ANK3: variants seen among roughly 807,000 people sequenced by gnomAD.
The protein encoded by ANK3 is ankyrin-3.
A neutral mutation model predicts 370.9 loss-of-function variants in ANK3; 57 were observed. The observed-to-expected ratio is 0.15, with a 90% CI of 0.12 to 0.19. The LOEUF (loss-of-function observed/expected upper bound fraction) is 0.19, where lower values mean the gene tolerates loss of function less well. Ranked by LOEUF, ANK3 falls within the 10% of genes least tolerant of loss-of-function variation. The pLI, the probability that ANK3 is intolerant of heterozygous loss-of-function variation, is 1.00. For missense variants in ANK3, 4,439 were observed against 5,302.1 expected (o/e 0.84, Z 5.06); for synonymous variants, 1,929 against 1,946.3 (o/e 0.99, Z 0.23).
chr10:60,539,405 A>G (rs1000394972), intron 2 of ANK3, among the ~76,000 whole-genome samples: 2 of 151,942 alleles, frequency 1.3e-5, no homozygotes, highest in Non-Finnish European at 2.9e-5. Flanking sequence ...GGAGCTAGGC[A>G]TTATTGAGAG....
intron 11 of ANK3, among the ~76,000 whole-genome samples, chr10:60,203,704 A>G (rs1251273950): frequency 6.6e-6 from 1 of 152,248 alleles, no homozygotes; most frequent in East Asian, 1.9e-4. Context: ...TCACTAGACT[A>G]GACTTGAATT....
At chr10:60,137,234 A>G (rs570275971) in intron 24 of ANK3, 23 of 187,612 alleles carry the variant, frequency 1.2e-4, no homozygotes, top group Non-Finnish European at 1.2e-4. Context: ...AAGAAAGCAC[A>G]TCGCAGCACA....
intron 2 of ANK3, among the ~76,000 whole-genome samples, chr10:60,400,948 T>C (rs2063341377): frequency 6.6e-6 from 1 of 152,098 alleles, no homozygotes; most frequent in African/African-American, 2.4e-5. Flanking sequence ...GCATTGAGGG[T>C]GGCAACAAAA....
At chr10:60,507,388 T>C (rs1186909781) in intron 2 of ANK3, 1 of 152,026 alleles carries the variant, frequency 6.6e-6, no homozygotes, top group Non-Finnish European at 1.5e-5. Context: ...ACTCGTAACA[T>C]TGAGCCACTC....
chr10:60,616,047 A>T (rs2078263826), intron 1 of ANK3, among the ~76,000 whole-genome samples: 1 of 152,170 alleles, frequency 6.6e-6, no homozygotes, highest in South Asian at 2.1e-4. Flanking sequence ...ACTTGTGTAC[A>T]TTTCATTCGA....
At chr10:60,622,920 A>G (rs1348305771) in intron 1 of ANK3, among the ~76,000 whole-genome samples, 1 of 152,206 alleles carries the variant, frequency 6.6e-6, no homozygotes, top group Non-Finnish European at 1.5e-5. Flanking sequence ...ACGCAATGCT[A>G]GTGTTTACGT....
At chr10:60,322,959 A>T (rs1404685207) in intron 1 of ANK3, among the ~76,000 whole-genome samples, 2 of 152,184 alleles carry the variant, frequency 1.3e-5, no homozygotes, top group Non-Finnish European at 2.9e-5. Context: ...GTTGGGCATG[A>T]AGATCGTGAG....
At chr10:60,344,704 G>C (rs771126159) in intron 1 of ANK3, among the ~76,000 whole-genome samples, 1 of 152,130 alleles carries the variant, frequency 6.6e-6, no homozygotes, top group Non-Finnish European at 1.5e-5. Flanking sequence ...CCAAGAACAA[G>C]ATTTCATTAG....
chr10:60,423,283 T>A (rs1224634011), intron 2 of ANK3, among the ~76,000 whole-genome samples: 1 of 151,902 alleles, frequency 6.6e-6, no homozygotes, highest in East Asian at 1.9e-4. Context: ...TCACCTTCCT[T>A]TATTGACAAT....
At chr10:60,135,017 T>G (rs1590612432) in intron 24 of ANK3, among the ~76,000 whole-genome samples, 1 of 152,206 alleles carries the variant, frequency 6.6e-6, no homozygotes, top group African/African-American at 2.4e-5. Flanking sequence ...AACTGTTCTT[T>G]CCAGCCACTG....
chr10:60,632,895 A>AC (rs1567191102), intron 1 of ANK3, among the ~76,000 whole-genome samples: 7 of 96,262 alleles, frequency 7.3e-5, no homozygotes, highest in African/African-American at 2.4e-4. Flanking sequence ...AAACAAAAAA[A>AC]TAAAAAACAA....
chr10:60,648,584 C>T (rs2078743576), intron 1 of ANK3, among the ~76,000 whole-genome samples: 2 of 149,878 alleles, frequency 1.3e-5, no homozygotes, highest in African/African-American at 4.9e-5. Flanking sequence ...GCCTGGCCAA[C>T]ATAGTGAAAT....
Position 60,064,216 on chromosome 10 carries a change from A to G in ANK3, c.12392T>C (p.Ile4131Thr). The G allele has an allele frequency of 6.3e-7, 1 of 1,584,262 alleles. No homozygotes were observed. The highest frequency in any genetic ancestry group is 8.5e-7 in the Non-Finnish European group (1 of 1,171,970). ...TTTTAATAACATGAAGCTCTGAGAA[A>G]TTAAAGAATTTGGATTTTCCACACG... ...QIRVENPNSL[I>T]SQSFMLLKKW... The change falls in exon 39 of 44, where the codon ATT becomes ACT. Residue 4131 changes from isoleucine to threonine, a missense_variant. Around this residue, in one of 13 missense-constraint regions of ANK3, gnomAD observed 99 missense variants for 150.7 expected, o/e 0.66. Coordinates refer to ENST00000280772, the MANE Select transcript of ANK3 (RefSeq NM_020987.5).
At chr10:60,077,184 C>T (rs377697869) in intron 36 of ANK3, among the ~76,000 whole-genome samples, 1 of 151,952 alleles carries the variant, frequency 6.6e-6, no homozygotes, top group African/African-American at 2.4e-5. Context: ...TTTTCTGAGT[C>T]AGAATTTTAA....
At chr10:60,211,728 C>A (rs7074185) in intron 9 of ANK3, among the ~76,000 whole-genome samples, 18,105 of 151,784 alleles carry the variant, frequency 0.12, 1,313 homozygotes, top group East Asian at 0.28. Flanking sequence ...AAAAACTATA[C>A]CGCCTAAGGT....
At chr10:60,042,786 T>C (rs2076332605) in intron 42 of ANK3, 27 bp from the exon 43 acceptor site, 2 of 1,603,742 alleles carry the variant, frequency 1.2e-6, no homozygotes, top group Middle Eastern at 1.7e-4. Context: ...CATATTAAGA[T>C]TTCACAGTGA....
chr10:60,304,781 T>G (rs115479800), intron 1 of ANK3, among the ~76,000 whole-genome samples: 3,754 of 152,286 alleles, frequency 0.025, 138 homozygotes, highest in African/African-American at 0.082. Flanking sequence ...AATCTAGAGT[T>G]CCAGTTACAG....
At chr10:60,064,668 C>CACAACA (rs56381045) in intron 38 of ANK3, among the ~76,000 whole-genome samples, 130 of 110,540 alleles carry the variant, frequency 1.2e-3, no homozygotes, top group African/African-American at 2.5e-3. Flanking sequence ...TCTCCATACA[C>CACAACA]ACAGCAACAA....
At chr10:60,558,633 TA>T (rs1342408805) in intron 2 of ANK3, among the ~76,000 whole-genome samples, 1 of 152,238 alleles carries the variant, frequency 6.6e-6, no homozygotes, top group African/African-American at 2.4e-5. Context: ...ATTATGCTAA[TA>T]TACTTATGTT....
Sources: gnomAD v4.1 joint callset for allele counts (sites outside exome capture counted in the v4.1 genomes callset) on GRCh38, gnomAD v4.1.1 for gene constraint, gnomAD v4.1.1 regional missense constraint, MANE v1.5 for transcripts, NCBI Gene and HGNC (gene_info 2026-07-23, HGNC 2026-07-21) for gene names.